Variants in CMIP observed in about 807,000 individuals in gnomAD.
CMIP encodes C-Maf-inducing protein.
Under a neutral mutation model 97.3 loss-of-function variants are expected in CMIP, and 13 were observed. The observed-to-expected ratio is 0.13, with a 90% CI of 0.09 to 0.21. CMIP has a LOEUF of 0.21. Ranked by LOEUF, CMIP falls within the 10% of genes least tolerant of loss-of-function variation. The pLI is 1.00. For synonymous variants in CMIP, 538 were observed against 436.3 expected, an observed-to-expected ratio of 1.23 and a Z score of -2.91; for missense variants, 847 against 1,024.9, an observed-to-expected ratio of 0.83 and a Z score of 2.37.
chr16:81,507,224 A>C (rs139179222), intron 1 of CMIP, among the ~76,000 whole-genome samples: 211 of 152,378 alleles, frequency 1.4e-3, no homozygotes, highest in African/African-American at 5.0e-3. Flanking sequence ...ACTGCACTCC[A>C]GCCTGGGTGA....
In CMIP at chr16:81,449,219, G is replaced by T. The variant is rs79348694; in HGVS notation, c.300+3678G>T. Among the ~76,000 whole-genome samples the T allele has an allele frequency of 5.5e-3, 842 of 152,350 alleles. 7 individuals carry two copies. Among genetic ancestry groups the T allele is most frequent in the African/African-American group, 0.019 (798 of 41,572 alleles). On this transcript the variant is annotated intron_variant, in intron 1 of 20. Transcript: ENST00000537098. ...ATCCACTCAGAAAGTCCTTTATTCA[G>T]GGGTCGGGGCACAGGTGACAGTAGT...
intron 1 of CMIP, among the ~76,000 whole-genome samples, chr16:81,585,099 T>C (rs1333368339): frequency 1.3e-5 from 2 of 152,124 alleles, no homozygotes; most frequent in African/African-American, 2.4e-5. Context: ...CCCAGCACTT[T>C]GGGAGGCTGA....
At chr16:81,589,605 T>C (rs1026264426) in intron 1 of CMIP, among the ~76,000 whole-genome samples, 2 of 152,120 alleles carry the variant, frequency 1.3e-5, no homozygotes, top group Non-Finnish European at 2.9e-5. Flanking sequence ...GATGCAGGCA[T>C]GCATGGCAAG....
At chr16:81,454,951 C>T (rs759672206) in intron 1 of CMIP, among the ~76,000 whole-genome samples, 4 of 152,132 alleles carry the variant, frequency 2.6e-5, no homozygotes, top group Non-Finnish European at 5.9e-5. Context: ...AGGGACAGGC[C>T]AGAGCGGCTG....
chr16:81,637,261 C>T (rs1434523842), intron 3 of CMIP, among the ~76,000 whole-genome samples: 2 of 151,990 alleles, frequency 1.3e-5, no homozygotes, highest in African/African-American at 4.8e-5. Context: ...TTAGTAGAGA[C>T]GGGGTTTCAT....
In CMIP at chr16:81,553,141, CCCA is replaced by C. The variant is rs1433408953; in HGVS notation, c.301-54424_301-54422del. On this transcript the variant is annotated intron_variant, in intron 1 of 20. Coordinates refer to ENST00000537098, the MANE Select transcript of CMIP (RefSeq NM_198390.3). Reference sequence around the variant, plus strand: ...GGCCTGAGTCTCTGCTTGTTTCAGTCCCACTGTTTCTCAGTCTTCCCTCGTTTT... The same window carrying C: ...GGCCTGAGTCTCTGCTTGTTTCAGTCCTGTTTCTCAGTCTTCCCTCGTTTT... Among the ~76,000 whole-genome samples the C allele has an allele frequency of 3.3e-5, 5 of 152,140 alleles. No individual in the cohort carries two copies. The East Asian group carries it at 9.6e-4, about 29-fold the overall frequency.
intron 3 of CMIP, among the ~76,000 whole-genome samples, chr16:81,623,658 CTCCT>C (rs1276262530): frequency 1.3e-5 from 2 of 152,218 alleles, no homozygotes; most frequent in Non-Finnish European, 1.5e-5. Flanking sequence ...AAGGCATGCT[CTCCT>C]TCCTTTTAAA....
intron 1 of CMIP, chr16:81,518,680 T>C (rs1258347121): frequency 6.6e-6 from 1 of 152,288 alleles, no homozygotes; most frequent in African/African-American, 2.4e-5. Context: ...GTCTACCTGC[T>C]TCCTGTGTTC....
At chr16:81,630,966 G>T (rs574806144) in intron 3 of CMIP, 1 of 152,264 alleles carries the variant, frequency 6.6e-6, no homozygotes, top group African/African-American at 2.4e-5. Context: ...AACCTTTTGG[G>T]GCCAGGCTGC....
intron 16 of CMIP, among the ~76,000 whole-genome samples, 185 bp from the exon 17 acceptor site, chr16:81,702,437 C>T (rs574143199): frequency 4.6e-5 from 7 of 152,214 alleles, no homozygotes; most frequent in African/African-American, 1.4e-4. Flanking sequence ...CTTGGGATCA[C>T]CCTCCAGTAA....
Position 81,616,474 on chromosome 16 carries a change from G to T in CMIP, c.427-4402G>T, listed in dbSNP as rs1230417045. Among the ~76,000 whole-genome samples the T allele has an allele frequency of 6.6e-6, 1 of 152,220 alleles. No homozygotes were observed. The highest frequency in any genetic ancestry group is 2.1e-4 in the South Asian group (1 of 4,832). On this transcript the variant is annotated intron_variant, in intron 2 of 20. Coordinates refer to ENST00000537098, the MANE Select transcript of CMIP (RefSeq NM_198390.3). This position sits in a 1 kb window ranked among gnomAD's most constrained non-coding sequence, Gnocchi z 4.7. ...GAGGAGGTGTGTGTGAGCATTTCTC[G>T]TGGTGCCTGGTACCGAGTAAGCACC...
At chr16:81,529,391 G>T (rs540028229) in intron 1 of CMIP, among the ~76,000 whole-genome samples, 1 of 152,168 alleles carries the variant, frequency 6.6e-6, no homozygotes, top group East Asian at 1.9e-4. Flanking sequence ...AGTGTGAGGG[G>T]CTGGGTGACA....
At position 81,560,362 on chromosome 16, in the gene CMIP, G is replaced by A. The variant is rs1311604014; in HGVS notation, c.301-47205G>A. Among the ~76,000 whole-genome samples, 3 of 151,472 alleles carry A rather than the reference G, an allele frequency of 2.0e-5. No homozygotes were observed. In the East Asian group the frequency reaches 5.9e-4, roughly 30 times the overall value. On this transcript the variant is annotated intron_variant, in intron 1 of 20. Transcript: ENST00000537098. ...GCCTCCCCAGTAGCTGGGACTACAG[G>A]CTCCCGCCACTATTCCTGGCTCATT...
At chr16:81,494,201 C>T (rs2089451207) in intron 1 of CMIP, among the ~76,000 whole-genome samples, 1 of 152,138 alleles carries the variant, frequency 6.6e-6, no homozygotes, top group African/African-American at 2.4e-5. Flanking sequence ...ACTGTGGGAG[C>T]TGCCTCTTCC....
At chr16:81,705,179 C>T (rs1347631446) in intron 18 of CMIP, among the ~76,000 whole-genome samples, 1 of 152,178 alleles carries the variant, frequency 6.6e-6, no homozygotes, top group African/African-American at 2.4e-5. Context: ...ACTGTCCACC[C>T]AGCAGGAGAA....
At chr16:81,587,513 A>G (rs1184273902) in intron 1 of CMIP, among the ~76,000 whole-genome samples, 1 of 152,192 alleles carries the variant, frequency 6.6e-6, no homozygotes, top group Non-Finnish European at 1.5e-5. Flanking sequence ...CAGATTGCGC[A>G]GATCATCATC....
intron 16 of CMIP, 89 bp from the exon 17 acceptor site, chr16:81,702,533 G>T (rs1597273255): frequency 1.5e-6 from 2 of 1,297,036 alleles, no homozygotes; most frequent in East Asian, 2.4e-5. Flanking sequence ...AAATAACGAT[G>T]GCTCCATGAG....
At chr16:81,563,734 C>G (rs950620972) in intron 1 of CMIP, among the ~76,000 whole-genome samples, 1 of 152,180 alleles carries the variant, frequency 6.6e-6, no homozygotes, top group African/African-American at 2.4e-5. Context: ...AGACTCTTAG[C>G]TATTATTATG....
At chr16:81,564,456 C>A (rs1428913697) in intron 1 of CMIP, among the ~76,000 whole-genome samples, 1 of 152,192 alleles carries the variant, frequency 6.6e-6, no homozygotes, top group Non-Finnish European at 1.5e-5. Flanking sequence ...GGAATCTAGT[C>A]TTCCATGTAA....
Sources: gnomAD v4.1 joint callset for allele counts (sites outside exome capture counted in the v4.1 genomes callset) on GRCh38, gnomAD v4.1.1 for gene constraint, Gnocchi (gnomAD v3.1) non-coding constraint, MANE v1.5 for transcripts, NCBI Gene and HGNC (gene_info 2026-07-23, HGNC 2026-07-21) for gene names.